STAT1: variants seen among roughly 807,000 people sequenced by gnomAD.
The protein encoded by STAT1 is signal transducer and activator of transcription 1.
Under a neutral mutation model 111.7 loss-of-function variants are expected in STAT1, and 24 were observed. The observed-to-expected ratio is 0.21, with a 90% confidence interval of 0.16 to 0.30. The LOEUF is 0.30. Among genes scored for constraint, STAT1 ranks in the 10% least tolerant of loss-of-function variants. The pLI is 1.00. For missense variants in STAT1, 351 were observed against 911.9 expected, an observed-to-expected ratio of 0.38 and a Z score of 7.92; for synonymous variants, 332 against 326.5, an observed-to-expected ratio of 1.02 and a Z score of -0.18.
At chr2:190,988,577 G>A (rs967232450) in intron 12 of STAT1, among the ~76,000 whole-genome samples, 11 of 152,038 alleles carry the variant, frequency 7.2e-5, no homozygotes, top group African/African-American at 1.4e-4. Context: ...ACGGGGTTTC[G>A]CCATGTTGGC....
At position 190,982,356 on chromosome 2, in the gene STAT1, A is replaced by G. The variant is rs1692455695; in HGVS notation, c.1582+27T>C. ...TATTTTTATGAATTTCAATTTTTAT[A>G]AACATAACAAGTTAATATGCATATA... On this transcript the variant is annotated intron_variant, in intron 18 of 24. Coordinates refer to ENST00000361099, the MANE Select transcript of STAT1 (RefSeq NM_007315.4). The surrounding 1 kb of genome is among the most constrained non-coding windows in gnomAD (Gnocchi z 7.3). 6.2e-7 allele frequency: 1 copy of G among 1,613,290 alleles called. No homozygotes were observed. Among genetic ancestry groups the G allele is most frequent in the Non-Finnish European group, 8.5e-7 (1 of 1,179,338 alleles).
rs1012060451 is a variant in STAT1 at position 190,977,601 on chromosome 2, C to T, written c.1874-576G>A. Among the ~76,000 whole-genome samples the T allele has an allele frequency of 6.6e-6, 1 of 152,216 alleles. No homozygotes were observed. Among genetic ancestry groups the T allele is most frequent in the South Asian group, 2.1e-4 (1 of 4,836 alleles). ...ACTGAATTCAGATCCTTCTTCCTAG[C>T]TGATACAGAATCTCCCTTTGGGTGT... On this transcript the variant is annotated intron_variant, in intron 21 of 24. Transcript: ENST00000361099. The surrounding 1 kb of genome is among the most constrained non-coding windows in gnomAD (Gnocchi z 4.7).
chr2:190,994,935 T>A (rs866439131), intron 10 of STAT1, 126 bp downstream of exon 10: 3,011 of 136,096 alleles, frequency 0.022, 34 homozygotes, highest in African/African-American at 0.028. Flanking sequence ...AAAATATATA[T>A]ATATATATAT....
In STAT1 at chr2:190,980,719, G is replaced by A; in HGVS notation, c.1583-50C>T. ...TCAGCAAACAGAAACTGATTCTAAA[G>A]CTTTGGTTGGACGGATGGCTCTTGT... On this transcript the variant is annotated intron_variant, in intron 18 of 24. Coordinates refer to ENST00000361099, the MANE Select transcript of STAT1 (RefSeq NM_007315.4). This position sits in a 1 kb window ranked among gnomAD's most constrained non-coding sequence, Gnocchi z 6.1. 1 of 1,580,130 alleles carries A rather than the reference G, an allele frequency of 6.3e-7. No homozygotes were observed. The highest frequency in any genetic ancestry group is 8.7e-7 in the Non-Finnish European group (1 of 1,149,418).
chr2:190,997,805 T>C lies in STAT1; in HGVS notation c.785+51A>G. On this transcript the variant is annotated intron_variant, in intron 9 of 24. Transcript: ENST00000361099. This position sits in a 1 kb window ranked among gnomAD's most constrained non-coding sequence, Gnocchi z 7.3. ...CACAGCTCAAAGGTACATTTATGTG[T>C]TTATGTGGTTAGCCAGTCAGCTGCC... 1 of 1,612,920 alleles carries C rather than the reference T, an allele frequency of 6.2e-7. No homozygotes were observed. Among genetic ancestry groups the C allele is most frequent in the East Asian group, 2.2e-5 (1 of 44,876 alleles).
rs1401689722 is a variant in STAT1, at chr2:190,974,942, G to T, written c.2136-10C>A. The T allele has an allele frequency of 3.7e-6, 6 of 1,607,152 alleles. No homozygotes were observed. Among genetic ancestry groups the T allele is most frequent in the Non-Finnish European group, 5.1e-6 (6 of 1,173,934 alleles). On this transcript the variant is annotated splice_polypyrimidine_tract_variant and intron_variant, in intron 23 of 24. Transcript: ENST00000361099. This position sits in a 1 kb window ranked among gnomAD's most constrained non-coding sequence, Gnocchi z 4.8. ...AAGTCTAGAAGGGTGACTAAAATGG[G>T]GAAAAAGAAAAGAGCAATGTCAACA... is the stretch of plus-strand genomic sequence containing the variant.
At chr2:191,005,729 A>G (rs977407423) in intron 5 of STAT1, among the ~76,000 whole-genome samples, 36 of 152,220 alleles carry the variant, frequency 2.4e-4, no homozygotes, top group African/African-American at 8.7e-4. Context: ...AAATAAAGTT[A>G]CTTCAACAAG....
rs67641141 is a variant in STAT1 at position 190,994,929 on chromosome 2, T to TAC, written c.944+131_944+132insGT. The TAC allele has an allele frequency of 2.6e-3, 264 of 101,874 alleles. 2 individuals are homozygous for TAC. The highest frequency in any genetic ancestry group is 0.019 in the Admixed American group (164 of 8,724). 6.3% of individuals were successfully genotyped at this position (101,874 alleles called of 1,614,324 possible). ...GACTCTATCTCAAAAAAAAAAAAAA[T>TAC]ATATATATATATATATATATATATA... On this transcript the variant is annotated intron_variant, in intron 10 of 24. Transcript: ENST00000361099.
At position 190,983,300 on chromosome 2, in the gene STAT1, A is replaced by G. The variant is rs1187896883; in HGVS notation, c.1446+342T>C. ...ACTTTAAAAAACATAAGTACTTTGA[A>G]TAATTATAAATGACTGTAATTAATT... is the stretch of plus-strand genomic sequence containing the variant. On this transcript the variant is annotated intron_variant, in intron 17 of 24. Transcript: ENST00000361099. The surrounding 1 kb of genome is among the most constrained non-coding windows in gnomAD (Gnocchi z 5.7). Among the ~76,000 whole-genome samples the G allele has an allele frequency of 6.6e-6, 1 of 152,214 alleles. No homozygotes were observed. Among genetic ancestry groups the G allele is most frequent in the Non-Finnish European group, 1.5e-5 (1 of 68,042 alleles).
Position 190,984,499 on chromosome 2 carries a change from A to G in STAT1, c.1264-106T>C. ...ACAGGCCACAGAGATCCTGGGCCCAATCAGTGGCAAGTCTGAAGACTCAAT... is the reference window on the plus strand; with the variant it reads ...ACAGGCCACAGAGATCCTGGGCCCAGTCAGTGGCAAGTCTGAAGACTCAAT... On this transcript the variant is annotated intron_variant, in intron 15 of 24. Transcript: ENST00000361099. The surrounding 1 kb of genome is among the most constrained non-coding windows in gnomAD (Gnocchi z 5.2). 1.1e-6 allele frequency: 1 copy of G among 887,556 alleles called. No homozygotes were observed. The highest frequency in any genetic ancestry group is 1.8e-6 in the Non-Finnish European group (1 of 541,766). The allele number at this position is 887,556 out of a possible 1,614,324, so 55.0% of individuals were successfully genotyped here. A position where few individuals can be genotyped will look rare whatever the true frequency, so the allele number is the denominator to read the frequency against.
Position 190,978,719 on chromosome 2 carries a change from G to A in STAT1, c.1873+137C>T, listed in dbSNP as rs13010343. On this transcript the variant is annotated intron_variant, in intron 21 of 24. Coordinates refer to ENST00000361099, the MANE Select transcript of STAT1 (RefSeq NM_007315.4). This position sits in a 1 kb window ranked among gnomAD's most constrained non-coding sequence, Gnocchi z 6.1. ...TTGTGGTGGTTTATTAAATCCTATC[G>A]GGGGCTCATTTGGGGTAAGTATAAG... 117,350 of 1,069,436 alleles carry A rather than the reference G, an allele frequency of 0.11. 7,328 individuals are homozygous for A. The highest frequency in any genetic ancestry group is 0.13 in the Middle Eastern group (440 of 3,448). 66.2% of individuals were successfully genotyped at this position (1,069,436 alleles called of 1,614,324 possible).
In STAT1 at chr2:190,999,156, G is replaced by A. The variant is rs1210400275; in HGVS notation, c.541+470C>T. On this transcript the variant is annotated intron_variant, in intron 7 of 24. Transcript: ENST00000361099. The surrounding 1 kb of genome is among the most constrained non-coding windows in gnomAD (Gnocchi z 4.1). Reference sequence around the variant, plus strand: ...GAGAAAAATACTGAGCTTATCTGCTGTGTATACACGTGGCCCTGCAACGTT... The same window carrying A: ...GAGAAAAATACTGAGCTTATCTGCTATGTATACACGTGGCCCTGCAACGTT... 6.6e-6 allele frequency among the ~76,000 whole-genome samples: 1 copy of A among 152,230 alleles called. No individual in the cohort carries two copies. Among genetic ancestry groups the A allele is most frequent in the Non-Finnish European group, 1.5e-5 (1 of 68,036 alleles).
At chr2:191,011,702 A>G (rs1695134188) in intron 2 of STAT1, among the ~76,000 whole-genome samples, 1 of 152,156 alleles carries the variant, frequency 6.6e-6, no homozygotes, top group Non-Finnish European at 1.5e-5. Flanking sequence ...ATAATGAGTG[A>G]GCCTCATGAC....
intron 24 of STAT1, among the ~76,000 whole-genome samples, chr2:190,972,981 CT>C (rs1285922307): frequency 6.6e-6 from 1 of 152,128 alleles, no homozygotes; most frequent in Non-Finnish European, 1.5e-5. Context: ...TTAAATTGTT[CT>C]CACAGTATCA....
At chr2:191,009,210 T>TC in intron 3 of STAT1, 103 bp from the exon 4 acceptor site, 3 of 1,363,478 alleles carry the variant, frequency 2.2e-6, no homozygotes, top group Non-Finnish European at 3.0e-6. Flanking sequence ...AAAAATAATT[T>TC]AAGTATTTTC....
At chr2:190,994,950 AT>A (rs1387348216) in intron 10 of STAT1, 110 bp downstream of exon 10, 8 of 402,958 alleles carry the variant, frequency 2.0e-5, no homozygotes, top group Non-Finnish European at 2.7e-5. Flanking sequence ...ATATATATAT[AT>A]ATATATAAAA....
chr2:190,992,091 G>A (rs1053164657), intron 10 of STAT1, among the ~76,000 whole-genome samples: 2 of 152,084 alleles, frequency 1.3e-5, no homozygotes, highest in African/African-American at 4.8e-5. Context: ...TTGTTACATA[G>A]TATGCAACAA....
At chr2:190,972,949 T>C (rs933660266) in intron 24 of STAT1, among the ~76,000 whole-genome samples, 5 of 152,142 alleles carry the variant, frequency 3.3e-5, no homozygotes, top group African/African-American at 4.8e-5. Flanking sequence ...CAAAACTGTT[T>C]CCTGACATGT....
Position 190,970,889 on chromosome 2 carries a change from G to A in STAT1, c.2239-172C>T, listed in dbSNP as rs1691404191. 6.6e-6 allele frequency among the ~76,000 whole-genome samples: 1 copy of A among 152,142 alleles called. No individual in the cohort carries two copies. Among genetic ancestry groups the A allele is most frequent in the African/African-American group, 2.4e-5 (1 of 41,432 alleles). ...TCAGCATGTACTATGTATTATCCTGGGCTAATCAAGACCTTTTATATCACC... is the reference window on the plus strand; with the variant it reads ...TCAGCATGTACTATGTATTATCCTGAGCTAATCAAGACCTTTTATATCACC... On this transcript the variant is annotated intron_variant, in intron 24 of 24. Transcript: ENST00000361099. This position sits in a 1 kb window ranked among gnomAD's most constrained non-coding sequence, Gnocchi z 5.4.
Sources: gnomAD v4.1 joint callset for allele counts (sites outside exome capture counted in the v4.1 genomes callset) on GRCh38, gnomAD v4.1.1 for gene constraint, Gnocchi (gnomAD v3.1) non-coding constraint, MANE v1.5 for transcripts, NCBI Gene and HGNC (gene_info 2026-07-23, HGNC 2026-07-21) for gene names.